The following SLCO5A1 variants were observed in gnomAD, a reference collection of about 807,000 sequenced individuals.
The protein encoded by SLCO5A1 is organic anion transporter polypeptide-related protein 4.
A neutral mutation model predicts 65.1 loss-of-function variants in SLCO5A1; 39 were observed. That is an observed-to-expected ratio of 0.60 (90% CI 0.46 to 0.78). SLCO5A1 has a LOEUF of 0.78. SLCO5A1 is among the 30% of genes least tolerant of loss of function. The pLI is 0.00. For synonymous variants in SLCO5A1, 438 were observed against 415.7 expected, an observed-to-expected ratio of 1.05 and a Z score of -0.65; for missense variants, 1,029 against 1,069.4, an observed-to-expected ratio of 0.96 and a Z score of 0.53.
intron 2 of SLCO5A1, among the ~76,000 whole-genome samples, chr8:69,819,356 G>A (rs1820540606): frequency 6.6e-6 from 1 of 150,814 alleles, no homozygotes; most frequent in African/African-American, 2.4e-5. Flanking sequence ...CCACATGGGA[G>A]ACCCCAGGCA....
chr8:69,810,629 T>C (rs748172833), intron 2 of SLCO5A1, among the ~76,000 whole-genome samples: 7 of 152,202 alleles, frequency 4.6e-5, no homozygotes, highest in Non-Finnish European at 8.8e-5. Flanking sequence ...GAAAAATCAA[T>C]TAATGAGGTC....
Position 69,755,330 on chromosome 8 carries a change from C to T in SLCO5A1, c.1258+94G>A, listed in dbSNP as rs983811632. On this transcript the variant is annotated intron_variant, in intron 4 of 9. Coordinates refer to ENST00000260126, the MANE Select transcript of SLCO5A1 (RefSeq NM_030958.3). The stretch of plus-strand genomic sequence containing the variant: ...CTCAATCTTAGTACTTATCTGGCCA[C>T]AGACAGTGGGTAGACAGCATGGGCC... The T allele has an allele frequency of 3.2e-5, 32 of 984,672 alleles. 1 individual carries two copies. Among genetic ancestry groups the T allele is most frequent in the Non-Finnish European group, 4.7e-5 (31 of 666,020 alleles). 61.0% of individuals were successfully genotyped at this position (984,672 alleles called of 1,614,324 possible).
rs1428441353 is a variant in SLCO5A1, at chr8:69,670,276, G to A, written c.*2593C>T. 1 of 152,098 alleles carries A rather than the reference G, an allele frequency of 6.6e-6. No homozygotes were observed. The highest frequency in any genetic ancestry group is 2.4e-5 in the African/African-American group (1 of 41,408). The allele number at this position is 152,098 out of a possible 1,614,324, so 9.4% of individuals were successfully genotyped here. On this transcript the variant is annotated 3_prime_UTR_variant, in exon 10 of 10. Transcript: ENST00000260126. ...ATAGGAGCTGTGACTATAAAGTAAT[G>A]GGATCAATTTATTAAGAAACATATA...
chr8:69,695,538 G>A (rs1417554834), intron 6 of SLCO5A1, among the ~76,000 whole-genome samples: 2 of 151,740 alleles, frequency 1.3e-5, no homozygotes, highest in Non-Finnish European at 1.5e-5. Context: ...GATGAGAAAA[G>A]GAGACATTGA....
intron 2 of SLCO5A1, among the ~76,000 whole-genome samples, chr8:69,776,088 A>C (rs1818538244): frequency 6.6e-6 from 1 of 152,048 alleles, no homozygotes; most frequent in African/African-American, 2.4e-5. Context: ...AAAGACTGAA[A>C]TAACACTCAG....
chr8:69,719,965 T>C (rs1474187514), intron 5 of SLCO5A1, among the ~76,000 whole-genome samples: 2 of 152,186 alleles, frequency 1.3e-5, no homozygotes, highest in Non-Finnish European at 2.9e-5. Flanking sequence ...GTCTCTCCAA[T>C]TCCTTAATTT....
chr8:69,746,644 A>T (rs115522034), intron 4 of SLCO5A1, among the ~76,000 whole-genome samples: 2,042 of 152,310 alleles, frequency 0.013, 40 homozygotes, highest in African/African-American at 0.047. Flanking sequence ...AAGGGGGAGG[A>T]TGAAAAGTGG....
rs151032985 is a variant in SLCO5A1 at position 69,762,117 on chromosome 8, G to A, written c.908-242C>T. Among the ~76,000 whole-genome samples the A allele has an allele frequency of 6.9e-3, 1,017 of 148,388 alleles. 11 individuals are homozygous for A. The highest frequency in any genetic ancestry group is 0.024 in the African/African-American group (972 of 40,400). On this transcript the variant is annotated intron_variant, in intron 2 of 9. Coordinates refer to ENST00000260126, the MANE Select transcript of SLCO5A1 (RefSeq NM_030958.3). ...AGAGCTTTTTGGTGGCTTTTGTTTT[G>A]TTTTCTTTCTTTCTTTCTTTCTTTC...
intron 2 of SLCO5A1, among the ~76,000 whole-genome samples, chr8:69,809,157 G>A (rs1820125032): frequency 6.6e-6 from 1 of 152,104 alleles, no homozygotes; most frequent in Non-Finnish European, 1.5e-5. Flanking sequence ...TTGTTACAAT[G>A]TAAAAAGTTT....
At chr8:69,692,978 C>G (rs2933064) in intron 6 of SLCO5A1, among the ~76,000 whole-genome samples, 92,919 of 152,140 alleles carry the variant, frequency 0.61, 29,232 homozygotes, top group African/African-American at 0.77. Context: ...TACACAACTA[C>G]ATGTGCTGTA....
At chr8:69,822,434 C>T (rs138521540) in intron 2 of SLCO5A1, among the ~76,000 whole-genome samples, 159 of 152,242 alleles carry the variant, frequency 1.0e-3, no homozygotes, top group East Asian at 3.1e-3. Flanking sequence ...TTAATTAAAC[C>T]GGTTATAACA....
At chr8:69,749,073 A>C (rs770425287) in intron 4 of SLCO5A1, among the ~76,000 whole-genome samples, 5 of 152,206 alleles carry the variant, frequency 3.3e-5, no homozygotes, top group Admixed American at 2.6e-4. Context: ...GGGCCCAGGC[A>C]TGTAGCTTTT....
At chr8:69,775,437 C>T (rs1818517394) in intron 2 of SLCO5A1, among the ~76,000 whole-genome samples, 1 of 152,102 alleles carries the variant, frequency 6.6e-6, no homozygotes, top group Admixed American at 6.6e-5. Context: ...ACATTGTGCA[C>T]ATGTACCCTA....
chr8:69,781,441 G>T (rs1464818052), intron 2 of SLCO5A1, among the ~76,000 whole-genome samples: 1 of 152,118 alleles, frequency 6.6e-6, no homozygotes, highest in Non-Finnish European at 1.5e-5. Flanking sequence ...CTGCACTAGG[G>T]TTCCTTGTAA....
chr8:69,823,026 T>C (rs895750913), intron 2 of SLCO5A1, among the ~76,000 whole-genome samples: 4 of 152,032 alleles, frequency 2.6e-5, no homozygotes, highest in African/African-American at 9.7e-5. Context: ...CCAATCAGAG[T>C]TGTGGCTTTG....
chr8:69,739,374 C>T (rs1220778968), intron 4 of SLCO5A1, among the ~76,000 whole-genome samples: 2 of 152,128 alleles, frequency 1.3e-5, no homozygotes, highest in South Asian at 4.1e-4. Context: ...TATGTGTTAA[C>T]TCTTAAACAT....
intron 6 of SLCO5A1, among the ~76,000 whole-genome samples, chr8:69,696,451 C>T (rs1289449325): frequency 6.6e-6 from 1 of 152,174 alleles, no homozygotes; most frequent in Non-Finnish European, 1.5e-5. Context: ...AAACTGTGGG[C>T]CTCCCTGGAG....
intron 6 of SLCO5A1, among the ~76,000 whole-genome samples, chr8:69,686,099 A>T (rs1358790647): frequency 6.6e-6 from 1 of 152,158 alleles, no homozygotes; most frequent in Non-Finnish European, 1.5e-5. Context: ...TGTAAATCAA[A>T]GAGAAGTCCC....
At chr8:69,714,354 GC>G (rs746434542) in intron 5 of SLCO5A1, among the ~76,000 whole-genome samples, 8 of 152,238 alleles carry the variant, frequency 5.3e-5, no homozygotes, top group East Asian at 1.9e-4. Context: ...AGGAAAGGCA[GC>G]CTGCATGCGT....
Sources: allele counts gnomAD v4.1 joint callset (sites outside exome capture counted in the v4.1 genomes callset), GRCh38; gene constraint gnomAD v4.1.1; transcripts MANE v1.5; gene names NCBI Gene and HGNC (gene_info 2026-07-23, HGNC 2026-07-21).